SNX29: variants seen among roughly 807,000 people sequenced by gnomAD.
The protein encoded by SNX29 is sorting nexin-29.
A neutral mutation model predicts 102.1 loss-of-function variants in SNX29; 78 were observed. The observed-to-expected ratio is 0.76, with a 90% CI of 0.64 to 0.92. SNX29 has a LOEUF of 0.92. SNX29 is among the 40% of genes least tolerant of loss of function. The pLI is 0.00. For missense variants in SNX29, 1,280 were observed against 1,061.7 expected (o/e 1.21, Z -2.86); for synonymous variants, 580 against 414.5 (o/e 1.40, Z -4.85).
chr16:12,183,416 T>G (rs1250083111), intron 13 of SNX29, among the ~76,000 whole-genome samples: 2 of 150,986 alleles, frequency 1.3e-5, no homozygotes, highest in Non-Finnish European at 3.0e-5. Context: ...TTTACCAACT[T>G]TTTTTTTTGC....
At chr16:12,275,057 T>C (rs953975415) in intron 14 of SNX29, among the ~76,000 whole-genome samples, 5 of 152,194 alleles carry the variant, frequency 3.3e-5, no homozygotes, top group Admixed American at 1.3e-4. Flanking sequence ...TCTTAGGTGC[T>C]TTTCTCAAAT....
chr16:12,118,480 C>A (rs569105688), intron 11 of SNX29, among the ~76,000 whole-genome samples: 18 of 151,698 alleles, frequency 1.2e-4, no homozygotes, highest in Admixed American at 6.6e-4. Context: ...CCACCATGCC[C>A]GGCTGATTTT....
intron 11 of SNX29, among the ~76,000 whole-genome samples, chr16:12,119,981 CT>C (rs1354797768): frequency 6.6e-6 from 1 of 152,086 alleles, no homozygotes; most frequent in Non-Finnish European, 1.5e-5. Context: ...GCGAAGGGGT[CT>C]TGGGACATTT....
At chr16:12,197,375 G>T (rs1054024214) in intron 13 of SNX29, among the ~76,000 whole-genome samples, 2 of 152,024 alleles carry the variant, frequency 1.3e-5, no homozygotes, top group Non-Finnish European at 2.9e-5. Flanking sequence ...TTCAAGACCA[G>T]CCTGGCCAAC....
intron 16 of SNX29, among the ~76,000 whole-genome samples, chr16:12,398,028 G>A (rs1274727567): frequency 6.6e-6 from 1 of 152,216 alleles, no homozygotes; most frequent in Non-Finnish European, 1.5e-5. Context: ...TTGTGGGGGT[G>A]ACATTGGCCT....
intron 18 of SNX29, among the ~76,000 whole-genome samples, chr16:12,432,942 G>A (rs562140710): frequency 1.3e-4 from 20 of 152,344 alleles, no homozygotes; most frequent in African/African-American, 4.3e-4. Context: ...CGGACCTGGT[G>A]CATGGGGTAG....
intron 18 of SNX29, among the ~76,000 whole-genome samples, chr16:12,458,051 A>G (rs1314907411): frequency 6.6e-6 from 1 of 152,198 alleles, no homozygotes; most frequent in Non-Finnish European, 1.5e-5. Context: ...ATGCTTTTCA[A>G]AGAGGAAGAT....
Position 12,529,368 on chromosome 16 carries a change from G to T in SNX29, c.2318+4527G>T, listed in dbSNP as rs552930909. ...TGGTTACTAAGAGACGTGACACTTT[G>T]CAGATGGCAGAGATCCCCGGGGAGA... is the stretch of plus-strand genomic sequence containing the variant. On this transcript the variant is annotated intron_variant, in intron 20 of 20. Transcript: ENST00000566228. 6.6e-5 allele frequency among the ~76,000 whole-genome samples: 10 copies of T among 152,292 alleles called. No homozygotes were observed. The South Asian group carries it at 1.0e-3, about 16-fold the overall frequency.
chr16:12,212,994 A>G (rs895072623), intron 14 of SNX29, among the ~76,000 whole-genome samples: 2 of 152,156 alleles, frequency 1.3e-5, no homozygotes, highest in African/African-American at 4.8e-5. Flanking sequence ...TGCACCTGTA[A>G]TCCCAGCTAC....
At chr16:12,102,282 A>G (rs1378557499) in intron 11 of SNX29, among the ~76,000 whole-genome samples, 1 of 152,224 alleles carries the variant, frequency 6.6e-6, no homozygotes. Context: ...GTATATACCC[A>G]GTAATGGGAT....
chr16:12,433,430 A>G (rs1159142440), intron 18 of SNX29, among the ~76,000 whole-genome samples: 1 of 152,056 alleles, frequency 6.6e-6, no homozygotes. Context: ...CAGGAGTTTG[A>G]GACCAGCCTG....
intron 20 of SNX29, chr16:12,526,609 C>G (rs1033565455): frequency 7.5e-6 from 4 of 533,032 alleles, no homozygotes; most frequent in Non-Finnish European, 1.5e-5. Flanking sequence ...TTCTCATCCT[C>G]TTAGCGGCAT....
At chr16:12,553,953 A>C (rs1031036412) in intron 20 of SNX29, among the ~76,000 whole-genome samples, 2 of 152,064 alleles carry the variant, frequency 1.3e-5, no homozygotes, top group Admixed American at 6.5e-5. Context: ...TCAGCCACCC[A>C]AGTAGCTGGG....
At chr16:12,118,056 C>A (rs2053808358) in intron 11 of SNX29, among the ~76,000 whole-genome samples, 1 of 152,054 alleles carries the variant, frequency 6.6e-6, no homozygotes, top group Non-Finnish European at 1.5e-5. Flanking sequence ...GAGATCCCAC[C>A]ACTGTACTTC....
At chr16:12,561,294 C>G (rs181814524) in intron 20 of SNX29, 233 of 230,976 alleles carry the variant, frequency 1.0e-3, no homozygotes, top group Non-Finnish European at 1.4e-3. Flanking sequence ...AGAACATTCT[C>G]CATGATCTTC....
chr16:12,105,650 T>C (rs903948409), intron 11 of SNX29, among the ~76,000 whole-genome samples: 5 of 152,166 alleles, frequency 3.3e-5, no homozygotes, highest in African/African-American at 1.2e-4. Flanking sequence ...ACTCAGGTGA[T>C]GCATTTTAGT....
Position 12,570,312 on chromosome 16 carries a change from C to T in SNX29, c.*1683C>T, listed in dbSNP as rs1189103236. The stretch of plus-strand genomic sequence containing the variant: ...TGCGAGTGTGGAGGACCCGAGACAT[C>T]CTGTAAAGGCAACTTGGTCTCCCTC... On this transcript the variant is annotated 3_prime_UTR_variant, in exon 21 of 21. Transcript: ENST00000566228. 1.4e-5 allele frequency: 14 copies of T among 990,592 alleles called. No homozygotes were observed. In the South Asian group the frequency reaches 4.9e-4, roughly 34 times the overall value. 61.4% of individuals were successfully genotyped at this position (990,592 alleles called of 1,614,324 possible). A position where few individuals can be genotyped will look rare whatever the true frequency, so the allele number is the denominator to read the frequency against.
At chr16:11,984,430 A>G (rs182907521) in intron 1 of SNX29, among the ~76,000 whole-genome samples, 2 of 151,988 alleles carry the variant, frequency 1.3e-5, no homozygotes, top group African/African-American at 4.8e-5. Context: ...TTGTATTATT[A>G]TCATACAACT....
At chr16:12,437,848 G>A (rs2085606604) in intron 18 of SNX29, among the ~76,000 whole-genome samples, 1 of 152,158 alleles carries the variant, frequency 6.6e-6, no homozygotes, top group Non-Finnish European at 1.5e-5. Flanking sequence ...CACTCTGGGG[G>A]GTGCCCTTCC....
Sources: gnomAD v4.1 joint callset for allele counts (sites outside exome capture counted in the v4.1 genomes callset) on GRCh38, gnomAD v4.1.1 for gene constraint, MANE v1.5 for transcripts, NCBI Gene and HGNC (gene_info 2026-07-23, HGNC 2026-07-21) for gene names.